The following SGCZ variants were observed in gnomAD, a reference collection of about 807,000 sequenced individuals.
SGCZ encodes sarcoglycan zeta, also known as zeta-sarcoglycan.
Under a neutral mutation model 41.3 loss-of-function variants are expected in SGCZ, and 40 were observed. The ratio of observed to expected loss-of-function variants is 0.97; its 90% confidence interval spans 0.75 to 1.26. The LOEUF (loss-of-function observed/expected upper bound fraction) is 1.26. Among genes scored for constraint, SGCZ ranks in the 50% most tolerant of loss-of-function variants. The pLI is 0.00. For synonymous variants in SGCZ, 206 were observed against 137.5 expected, an observed-to-expected ratio of 1.50 and a Z score of -3.49; for missense variants, 552 against 369.8, an observed-to-expected ratio of 1.49 and a Z score of -4.04.
chr8:14,494,068 T>C (rs1801920368), intron 2 of SGCZ, among the ~76,000 whole-genome samples: 1 of 152,290 alleles, frequency 6.6e-6, no homozygotes, highest in East Asian at 1.9e-4. Context: ...GGTTAAAATA[T>C]TTGTTCGCGT....
chr8:14,224,086 A>T (rs761291415), intron 4 of SGCZ, among the ~76,000 whole-genome samples: 1 of 152,196 alleles, frequency 6.6e-6, no homozygotes, highest in Non-Finnish European at 1.5e-5. Context: ...CTTTGACACT[A>T]TTCTGGTACC....
At chr8:14,450,817 T>C (rs1486416099) in intron 2 of SGCZ, among the ~76,000 whole-genome samples, 1 of 152,178 alleles carries the variant, frequency 6.6e-6, no homozygotes, top group East Asian at 1.9e-4. Flanking sequence ...AAGGACAGAA[T>C]TACCTGGGCT....
intron 3 of SGCZ, among the ~76,000 whole-genome samples, chr8:14,305,990 G>T (rs1323237121): frequency 1.3e-5 from 2 of 152,274 alleles, no homozygotes; most frequent in African/African-American, 4.8e-5. Flanking sequence ...AGACACTTAT[G>T]TTAGGGTATT....
At position 14,413,005 on chromosome 8, in the gene SGCZ, G is replaced by A. The variant is rs142989183; in HGVS notation, c.235-88801C>T. Among the ~76,000 whole-genome samples, 243 of 151,838 alleles carry A rather than the reference G, an allele frequency of 1.6e-3. 1 individual carries two copies. Among genetic ancestry groups the A allele is most frequent in the African/African-American group, 5.1e-3 (211 of 41,446 alleles). ...TGTATATTAAACTTTTGTTATAAAGGACAACAGTTAGATTTTGCTCCAAAA... is the reference window on the plus strand; with the variant it reads ...TGTATATTAAACTTTTGTTATAAAGAACAACAGTTAGATTTTGCTCCAAAA... On this transcript the variant is annotated intron_variant, in intron 2 of 7. Coordinates refer to ENST00000382080, the MANE Select transcript of SGCZ (RefSeq NM_139167.4).
intron 4 of SGCZ, among the ~76,000 whole-genome samples, chr8:14,181,896 G>A (rs1804740775): frequency 6.6e-6 from 1 of 152,100 alleles, no homozygotes; most frequent in South Asian, 2.1e-4. Flanking sequence ...GATAAACACA[G>A]TAATTTTACA....
intron 3 of SGCZ, among the ~76,000 whole-genome samples, chr8:14,250,977 T>C (rs1287084789): frequency 1.3e-5 from 2 of 152,142 alleles, no homozygotes; most frequent in Admixed American, 1.3e-4. Context: ...TCTGTAATCC[T>C]AGCATTTTGG....
rs113743985 is a variant in SGCZ, at chr8:14,915,551, G to C, written c.39+322034C>G. ...GGCGGCCCCATCTTCCCTCCTCTTT[G>C]TCAGCCACGTGTAGAGTAAAAAGCA... On this transcript the variant is annotated intron_variant, in intron 1 of 7. Coordinates refer to ENST00000382080, the MANE Select transcript of SGCZ (RefSeq NM_139167.4). Among the ~76,000 whole-genome samples the C allele has an allele frequency of 2.7e-3, 413 of 152,162 alleles. 1 individual carries two copies. The highest frequency in any genetic ancestry group is 8.9e-3 in the African/African-American group (368 of 41,514).
intron 3 of SGCZ, among the ~76,000 whole-genome samples, chr8:14,246,999 G>A (rs1351480706): frequency 6.7e-6 from 1 of 149,644 alleles, no homozygotes; most frequent in East Asian, 2.0e-4. Context: ...AAATTTTTAT[G>A]TTAAAGGAAG....
At position 14,086,989 on chromosome 8, in the gene SGCZ, C is replaced by G. The variant is rs914321101; in HGVS notation, c.*3454G>C. Among the ~76,000 whole-genome samples, 2 of 151,560 alleles carry G rather than the reference C, an allele frequency of 1.3e-5. No homozygotes were observed. The highest frequency in any genetic ancestry group is 6.6e-5 in the Admixed American group (1 of 15,164). On this transcript the variant is annotated 3_prime_UTR_variant, in exon 8 of 8. Coordinates refer to ENST00000382080, the MANE Select transcript of SGCZ (RefSeq NM_139167.4). ...GTGACCAACGTAATTAAATATATGTCTTAAGTAGGTAAGTTCACATGACTA... is the reference window on the plus strand; with the variant it reads ...GTGACCAACGTAATTAAATATATGTGTTAAGTAGGTAAGTTCACATGACTA...
At position 14,250,020 on chromosome 8, in the gene SGCZ, A is replaced by G. The variant is rs114581657; in HGVS notation, c.337-12341T>C. On this transcript the variant is annotated intron_variant, in intron 3 of 7. Coordinates refer to ENST00000382080, the MANE Select transcript of SGCZ (RefSeq NM_139167.4). ...GTGCTTACAAATCAATAATGTACAT[A>G]CAAATCATCTGAAGATATTTCTAAA... Among the ~76,000 whole-genome samples, 466 of 152,362 alleles carry G rather than the reference A, an allele frequency of 3.1e-3. 3 individuals carry two copies. The highest frequency in any genetic ancestry group is 0.01 in the African/African-American group (433 of 41,590).
Position 14,249,534 on chromosome 8 carries a change from C to G in SGCZ, c.337-11855G>C, listed in dbSNP as rs17214724. Among the ~76,000 whole-genome samples, 3 of 152,220 alleles carry G rather than the reference C, an allele frequency of 2.0e-5. No homozygotes were observed. In the South Asian group the frequency reaches 6.2e-4, roughly 32 times the overall value. ...AATGCTAAGCAACAAGGAGACCTTG[C>G]AAGTAGCAATTATTGTGCTTGTATG... On this transcript the variant is annotated intron_variant, in intron 3 of 7. Transcript: ENST00000382080.
intron 5 of SGCZ, among the ~76,000 whole-genome samples, chr8:14,114,060 A>G (rs1426297543): frequency 1.3e-5 from 2 of 152,056 alleles, no homozygotes; most frequent in African/African-American, 2.4e-5. Context: ...TATTTCTAAC[A>G]TTGCATTGCA....
chr8:15,097,872 ATATATATATACGTGTG>A (rs1806432499), intron 1 of SGCZ, among the ~76,000 whole-genome samples: 1 of 60,212 alleles, frequency 1.7e-5, no homozygotes, highest in East Asian at 5.0e-4. Flanking sequence ...GTGTGTATAT[ATATATATATACGTGTG>A]TATATATATA....
At chr8:14,828,897 C>G (rs896091186) in intron 1 of SGCZ, among the ~76,000 whole-genome samples, 1 of 152,124 alleles carries the variant, frequency 6.6e-6, no homozygotes, top group African/African-American at 2.4e-5. Context: ...GCAAGAGTTT[C>G]AATAGAAAAT....
chr8:15,237,446 G>A (rs567455209), intron 1 of SGCZ, 139 bp downstream of exon 1: 39 of 1,020,850 alleles, frequency 3.8e-5, no homozygotes, highest in Admixed American at 2.6e-4. Flanking sequence ...CTGCGCCCGG[G>A]TGCGCGTCCC....
intron 1 of SGCZ, among the ~76,000 whole-genome samples, chr8:15,078,179 G>A (rs1330095366): frequency 9.5e-5 from 8 of 84,536 alleles, no homozygotes; most frequent in African/African-American, 1.9e-4. Context: ...TTTTTTTTGC[G>A]TAATGAATCC....
At chr8:15,039,270 A>G (rs1320135051) in intron 1 of SGCZ, among the ~76,000 whole-genome samples, 6 of 152,232 alleles carry the variant, frequency 3.9e-5, no homozygotes, top group Non-Finnish European at 7.3e-5. Flanking sequence ...AATGTAGTAT[A>G]CAATGGAATA....
intron 4 of SGCZ, among the ~76,000 whole-genome samples, chr8:14,233,630 G>A: frequency 6.8e-6 from 1 of 147,976 alleles, no homozygotes; most frequent in Non-Finnish European, 1.5e-5. Context: ...TATCTTTCCT[G>A]AGATAATAAA....
At chr8:14,965,206 C>T (rs993759041) in intron 1 of SGCZ, among the ~76,000 whole-genome samples, 2 of 152,134 alleles carry the variant, frequency 1.3e-5, no homozygotes, top group African/African-American at 4.8e-5. Flanking sequence ...CACAAGCTGA[C>T]CTGATTATGA....
Sources: gnomAD v4.1 joint callset for allele counts (sites outside exome capture counted in the v4.1 genomes callset) on GRCh38, gnomAD v4.1.1 for gene constraint, MANE v1.5 for transcripts, NCBI Gene and HGNC (gene_info 2026-07-23, HGNC 2026-07-21) for gene names.